The following TAX1BP1 variants were observed in gnomAD, a reference collection of about 807,000 sequenced individuals.
TAX1BP1 encodes the protein Tax1 binding protein 1.
In TAX1BP1, 62 loss-of-function variants were observed where a neutral mutation model predicts 97.7. The observed-to-expected ratio is 0.63, with a 90% confidence interval of 0.52 to 0.78. TAX1BP1 has a LOEUF of 0.78. Among genes scored for constraint, TAX1BP1 ranks in the 30% least tolerant of loss-of-function variants. TAX1BP1 has a pLI of 0.00. For missense variants in TAX1BP1, 867 were observed against 916.1 expected, an observed-to-expected ratio of 0.95 and a Z score of 0.69; for synonymous variants, 340 against 304.2, an observed-to-expected ratio of 1.12 and a Z score of -1.23.
chr7:27,809,573 G>T (rs992918733), intron 13 of TAX1BP1, among the ~76,000 whole-genome samples: 3 of 152,178 alleles, frequency 2.0e-5, no homozygotes, highest in Non-Finnish European at 4.4e-5. Context: ...ATTTGCAAAA[G>T]AACCTAACCT....
chr7:27,748,072 A>G (rs1012346258), intron 1 of TAX1BP1, among the ~76,000 whole-genome samples: 1 of 152,112 alleles, frequency 6.6e-6, no homozygotes, highest in Non-Finnish European at 1.5e-5. Context: ...AGGGTTCTAC[A>G]TAGGAAGGAA....
At chr7:27,816,136 A>G (rs770513470) in intron 13 of TAX1BP1, among the ~76,000 whole-genome samples, 9 of 152,232 alleles carry the variant, frequency 5.9e-5, no homozygotes, top group Non-Finnish European at 1.0e-4. Flanking sequence ...TTGAAAATAC[A>G]TCGGCTTTAT....
chr7:27,798,699 T>C (rs549785461), intron 12 of TAX1BP1, among the ~76,000 whole-genome samples: 40 of 151,960 alleles, frequency 2.6e-4, no homozygotes, highest in African/African-American at 8.0e-4. Flanking sequence ...CCAAACTGTT[T>C]TGTAAGGTGT....
At chr7:27,817,871 A>C (rs1316441826) in intron 15 of TAX1BP1, among the ~76,000 whole-genome samples, 1 of 152,048 alleles carries the variant, frequency 6.6e-6, no homozygotes, top group Non-Finnish European at 1.5e-5. Flanking sequence ...TGCTGCATTT[A>C]ATTGCTATTA....
At chr7:27,819,080 G>A (rs1790880600) in intron 15 of TAX1BP1, among the ~76,000 whole-genome samples, 1 of 152,092 alleles carries the variant, frequency 6.6e-6, no homozygotes, top group Non-Finnish European at 1.5e-5. Flanking sequence ...GAAATGATGT[G>A]TAACAAAACC....
At chr7:27,800,759 C>T (rs1003195194) in intron 13 of TAX1BP1, among the ~76,000 whole-genome samples, 1 of 151,854 alleles carries the variant, frequency 6.6e-6, no homozygotes, top group Non-Finnish European at 1.5e-5. Flanking sequence ...ATTATTTTTG[C>T]CAATATAATC....
chr7:27,764,768 A>G (rs1450791690), intron 3 of TAX1BP1, among the ~76,000 whole-genome samples: 1 of 151,898 alleles, frequency 6.6e-6, no homozygotes, highest in African/African-American at 2.4e-5. Flanking sequence ...ATTACGTTAG[A>G]AAGAATTTTC....
At chr7:27,757,245 A>T (rs1235849957) in intron 2 of TAX1BP1, among the ~76,000 whole-genome samples, 1 of 152,138 alleles carries the variant, frequency 6.6e-6, no homozygotes, top group Admixed American at 6.5e-5. Context: ...TCAATATTTA[A>T]CATGGTATTT....
At chr7:27,762,961 A>G (rs1788483238) in intron 3 of TAX1BP1, among the ~76,000 whole-genome samples, 1 of 152,196 alleles carries the variant, frequency 6.6e-6, no homozygotes, top group Admixed American at 6.5e-5. Context: ...TCAAAAATTC[A>G]TGGGCACTAA....
intron 3 of TAX1BP1, among the ~76,000 whole-genome samples, chr7:27,760,254 G>T (rs1788373598): frequency 6.6e-6 from 1 of 151,838 alleles, no homozygotes; most frequent in Non-Finnish European, 1.5e-5. Context: ...CAAACTAAAA[G>T]AAAAACCTTT....
At chr7:27,749,946 C>T (rs955023627) in intron 2 of TAX1BP1, among the ~76,000 whole-genome samples, 2 of 152,090 alleles carry the variant, frequency 1.3e-5, no homozygotes, top group Non-Finnish European at 1.5e-5. Context: ...CACAACACCA[C>T]GCCTGGCTAA....
chr7:27,782,632 A>G (rs1789306401), intron 5 of TAX1BP1, among the ~76,000 whole-genome samples: 1 of 152,190 alleles, frequency 6.6e-6, no homozygotes, highest in Non-Finnish European at 1.5e-5. Flanking sequence ...ATAACTTGGT[A>G]TTATAGTTGA....
At chr7:27,757,986 A>G (rs746038701) in intron 2 of TAX1BP1, 45 bp from the exon 3 acceptor site, 2 of 1,267,564 alleles carry the variant, frequency 1.6e-6, no homozygotes, top group East Asian at 2.3e-5. Context: ...GCCTAATATT[A>G]AACTATTTGC....
At chr7:27,810,955 A>G (rs1432542031) in intron 13 of TAX1BP1, among the ~76,000 whole-genome samples, 1 of 152,044 alleles carries the variant, frequency 6.6e-6, no homozygotes, top group Non-Finnish European at 1.5e-5. Context: ...TCTTCCTAGT[A>G]TACAGTGTTT....
intron 1 of TAX1BP1, among the ~76,000 whole-genome samples, chr7:27,745,561 T>C (rs2128306455): frequency 6.6e-6 from 1 of 152,362 alleles, no homozygotes; most frequent in African/African-American, 2.4e-5. Context: ...AAAATATTTC[T>C]ATAATTATAG....
chr7:27,813,442 C>G (rs1017422286), intron 13 of TAX1BP1, among the ~76,000 whole-genome samples: 1 of 151,632 alleles, frequency 6.6e-6, no homozygotes, highest in African/African-American at 2.4e-5. Context: ...GTAGCCTTGA[C>G]CTCCCAGACT....
chr7:27,804,327 A>G (rs1319797405), intron 13 of TAX1BP1, among the ~76,000 whole-genome samples: 2 of 152,178 alleles, frequency 1.3e-5, no homozygotes, highest in Non-Finnish European at 2.9e-5. Flanking sequence ...TGAAATTCTG[A>G]TTTTTCAACT....
At chr7:27,826,006 T>A (rs1417759984) in intron 15 of TAX1BP1, among the ~76,000 whole-genome samples, 1 of 152,174 alleles carries the variant, frequency 6.6e-6, no homozygotes, top group Non-Finnish European at 1.5e-5. Context: ...CTTATCACTG[T>A]TTTGTAGTTA....
intron 15 of TAX1BP1, among the ~76,000 whole-genome samples, chr7:27,819,663 G>T (rs973055090): frequency 6.6e-6 from 1 of 152,136 alleles, no homozygotes; most frequent in Admixed American, 6.6e-5. Flanking sequence ...TTGACTTGAA[G>T]GATATTTTCA....
Sources: gnomAD v4.1 joint callset for allele counts (sites outside exome capture counted in the v4.1 genomes callset) on GRCh38, gnomAD v4.1.1 for gene constraint, MANE v1.5 for transcripts, NCBI Gene and HGNC (gene_info 2026-07-23, HGNC 2026-07-21) for gene names.